The following PLEK2 variants were observed in gnomAD, a reference collection of about 807,000 sequenced individuals.
PLEK2 encodes the protein pleckstrin 2, also known as pleckstrin-2.
In PLEK2, 29 loss-of-function variants were observed where a neutral mutation model predicts 43.8. The observed-to-expected ratio is 0.66, with a 90% CI of 0.49 to 0.90. PLEK2 has a LOEUF of 0.90. Among genes scored for constraint, PLEK2 ranks in the 40% least tolerant of loss-of-function variants. The pLI is 0.00. For synonymous variants in PLEK2, 162 were observed against 173.2 expected, an observed-to-expected ratio of 0.94 and a Z score of 0.51; for missense variants, 398 against 448.1, an observed-to-expected ratio of 0.89 and a Z score of 1.01.
At chr14:67,405,846 C>G (rs1402301261) in intron 1 of PLEK2, among the ~76,000 whole-genome samples, 3 of 152,192 alleles carry the variant, frequency 2.0e-5, no homozygotes, top group Non-Finnish European at 4.4e-5. Flanking sequence ...GCCAGTCAAG[C>G]CTTCAGGTGA....
At position 67,395,479 on chromosome 14, in the gene PLEK2, A is replaced by G. The variant is rs1197730834; in HGVS notation, c.312T>C (p.His104=). The change falls in exon 3 of 9, where the codon CAT becomes CAC. Residue 104 remains histidine, a synonymous_variant. Transcript: ENST00000216446. ...GCTGGACCTTCCCCGGCTGCCCTGCATGAATAGCCCCGGTGATCTCAAAGG... is the reference window on the plus strand; with the variant it reads ...GCTGGACCTTCCCCGGCTGCCCTGCGTGAATAGCCCCGGTGATCTCAAAGG... The part of the protein sequence containing the change: ...AWAFEITGAI[H]AGQPGKVQQL... 4 of 1,613,970 alleles carry G rather than the reference A, an allele frequency of 2.5e-6. No homozygotes were observed. Among genetic ancestry groups the G allele is most frequent in the South Asian group, 1.1e-5 (1 of 91,086 alleles).
At chr14:67,407,830 G>A (rs550266581) in intron 1 of PLEK2, among the ~76,000 whole-genome samples, 1 of 152,222 alleles carries the variant, frequency 6.6e-6, no homozygotes, top group African/African-American at 2.4e-5. Context: ...GATGCCAGCT[G>A]GGCCCAGTGG....
chr14:67,393,108 C>T (rs1245939421), intron 4 of PLEK2, 42 bp downstream of exon 4: 2 of 1,425,490 alleles, frequency 1.4e-6, no homozygotes, highest in East Asian at 4.5e-5. Context: ...ATCACCATGT[C>T]CCAGCTTGAC....
At chr14:67,391,423 C>T (rs945209071) in intron 6 of PLEK2, among the ~76,000 whole-genome samples, 2 of 151,870 alleles carry the variant, frequency 1.3e-5, no homozygotes, top group African/African-American at 2.4e-5. Flanking sequence ...CTAGGGGCCT[C>T]TCTTCCTCCC....
At chr14:67,408,656 C>G (rs1240360928) in intron 1 of PLEK2, among the ~76,000 whole-genome samples, 1 of 152,112 alleles carries the variant, frequency 6.6e-6, no homozygotes, top group East Asian at 1.9e-4. Context: ...CCAGGGAATG[C>G]CAAGGGTTGC....
At chr14:67,408,549 C>T (rs1022906024) in intron 1 of PLEK2, among the ~76,000 whole-genome samples, 1 of 151,944 alleles carries the variant, frequency 6.6e-6, no homozygotes, top group Non-Finnish European at 1.5e-5. Flanking sequence ...TGACTGGTGT[C>T]CTTATAGGAA....
intron 7 of PLEK2, among the ~76,000 whole-genome samples, chr14:67,390,274 G>GGGA (rs1475218477): frequency 8.5e-5 from 13 of 152,316 alleles, no homozygotes; most frequent in South Asian, 2.1e-4. Flanking sequence ...GAAAAGTGGA[G>GGGA]GGAGGCAGAA....
At chr14:67,411,219 A>G (rs1449428874) in intron 1 of PLEK2, among the ~76,000 whole-genome samples, 1 of 151,354 alleles carries the variant, frequency 6.6e-6, no homozygotes, top group African/African-American at 2.4e-5. Context: ...TCTTTTGTTC[A>G]TCTTCTACCA....
intron 1 of PLEK2, among the ~76,000 whole-genome samples, chr14:67,400,646 TAA>T (rs879444173): frequency 4.6e-5 from 7 of 151,602 alleles, no homozygotes; most frequent in Non-Finnish European, 8.8e-5. Flanking sequence ...AGAAGGCAAT[TAA>T]GTTAATGGTA....
rs2086020356 is a variant in PLEK2, at chr14:67,397,695, G to A, written c.174C>T (p.Ile58=). The stretch of plus-strand genomic sequence containing the variant: ...TTTCATACTCCAGGCAGGGGCAGGT[G>A]ATGGTGCAGCCATCCAGGAGGATCC... The part of the protein sequence containing the change: ...KGRILLDGCT[I]TCPCLEYENR... The change falls in exon 2 of 9, where the codon ATC becomes ATT. Residue 58 remains isoleucine, a synonymous_variant. Coordinates refer to ENST00000216446, the MANE Select transcript of PLEK2 (RefSeq NM_016445.3). The A allele has an allele frequency of 6.2e-7, 1 of 1,613,238 alleles. No individual in the cohort carries two copies. Among genetic ancestry groups the A allele is most frequent in the Non-Finnish European group, 8.5e-7 (1 of 1,179,650 alleles).
chr14:67,390,164 A>T (rs1566622875), intron 7 of PLEK2, among the ~76,000 whole-genome samples: 1 of 151,956 alleles, frequency 6.6e-6, no homozygotes, highest in African/African-American at 2.4e-5. Flanking sequence ...CATAAAAATG[A>T]TTTTTTTTTA....
chr14:67,399,473 A>C (rs1049607123), intron 1 of PLEK2, among the ~76,000 whole-genome samples: 30 of 131,378 alleles, frequency 2.3e-4, no homozygotes, highest in Middle Eastern at 5.8e-3. Context: ...AGAGAAGGGT[A>C]GTTTAGGTGG....
At chr14:67,391,168 C>T (rs970542276) in intron 6 of PLEK2, among the ~76,000 whole-genome samples, 2 of 152,236 alleles carry the variant, frequency 1.3e-5, no homozygotes, top group African/African-American at 2.4e-5. Flanking sequence ...TCAGTCTACA[C>T]GTGTGCCCAC....
intron 3 of PLEK2, among the ~76,000 whole-genome samples, chr14:67,394,334 T>C (rs2085990751): frequency 6.6e-6 from 1 of 151,958 alleles, no homozygotes; most frequent in South Asian, 2.1e-4. Context: ...AGGTCAAGGC[T>C]GCAGTGAGCC....
chr14:67,389,789 T>A (rs1467484936), intron 7 of PLEK2, among the ~76,000 whole-genome samples: 1 of 150,118 alleles, frequency 6.7e-6, no homozygotes, highest in African/African-American at 2.5e-5. Context: ...TTTTTTTTTT[T>A]AAGTGTTTTT....
chr14:67,403,950 G>T (rs2086063507), intron 1 of PLEK2, among the ~76,000 whole-genome samples: 1 of 152,156 alleles, frequency 6.6e-6, no homozygotes, highest in Non-Finnish European at 1.5e-5. Flanking sequence ...CAACTCAAGA[G>T]GCTGAGGTGG....
intron 3 of PLEK2, among the ~76,000 whole-genome samples, chr14:67,395,028 C>T (rs561186043): frequency 3.7e-4 from 56 of 152,184 alleles, no homozygotes; most frequent in African/African-American, 1.3e-3. Context: ...GAAATAAATC[C>T]CTCCTTATGA....
In PLEK2 at chr14:67,393,034, C is replaced by G. The variant is rs371249693; in HGVS notation, c.481+116G>C. 123 of 934,328 alleles carry G rather than the reference C, an allele frequency of 1.3e-4. 3 individuals are homozygous for G. The highest frequency in any genetic ancestry group is 1.0e-3 in the South Asian group (71 of 71,174). 57.9% of individuals were successfully genotyped at this position (934,328 alleles called of 1,614,324 possible). On this transcript the variant is annotated intron_variant, in intron 4 of 8. Transcript: ENST00000216446. ...CCCACACATGGCCATCTCAGGCTAG[C>G]CTGTTGCCCAGCAGGCAGCTCTGAC...
chr14:67,408,185 C>T (rs1037800608), intron 1 of PLEK2, among the ~76,000 whole-genome samples: 4 of 151,910 alleles, frequency 2.6e-5, no homozygotes, highest in Middle Eastern at 3.4e-3. Context: ...ACTCAGGAGG[C>T]TGAGGCATGA....
Sources: gnomAD v4.1 joint callset for allele counts (sites outside exome capture counted in the v4.1 genomes callset) on GRCh38, gnomAD v4.1.1 for gene constraint, MANE v1.5 for transcripts, NCBI Gene and HGNC (gene_info 2026-07-23, HGNC 2026-07-21) for gene names.